The following TLE1 variants were observed in gnomAD, a reference collection of about 807,000 sequenced individuals.
The protein encoded by TLE1 is TLE family member 1, transcriptional corepressor, also known as transducin-like enhancer protein 1.
Under a neutral mutation model 89.8 loss-of-function variants are expected in TLE1, and 21 were observed. The ratio of observed to expected loss-of-function variants is 0.23; its 90% CI spans 0.17 to 0.34. TLE1 has a LOEUF of 0.34. Among genes scored for constraint, TLE1 ranks in the 10% least tolerant of loss-of-function variants. The pLI is 1.00. For synonymous variants in TLE1, 447 were observed against 407.6 expected (o/e 1.10, Z -1.16); for missense variants, 795 against 1,031.2 (o/e 0.77, Z 3.14).
chr9:81,625,087 A>C (rs949097690), intron 8 of TLE1, among the ~76,000 whole-genome samples: 2 of 152,210 alleles, frequency 1.3e-5, no homozygotes, highest in Admixed American at 1.3e-4. Context: ...CAGAACTGGC[A>C]TAACTTTTAT....
chr9:81,647,423 T>C (rs1043388913), intron 6 of TLE1, among the ~76,000 whole-genome samples: 4 of 152,234 alleles, frequency 2.6e-5, no homozygotes, highest in African/African-American at 9.6e-5. Context: ...CCTTTTTCAC[T>C]ACTGTTTCCT....
rs71496083 is a variant in TLE1 at position 81,587,907 on chromosome 9, CGTGTGT to C, written c.1830-85_1830-80del. On this transcript the variant is annotated intron_variant, in intron 16 of 19. Transcript: ENST00000376499. The stretch of plus-strand genomic sequence containing the variant: ...CACTGTTGTGTTGTTAGTTTTGGAC[CGTGTGT>C]GTGTGTGTGTGTGTGTGTGTGTGTG... The C allele has an allele frequency of 1.1e-4, 86 of 753,844 alleles. 1 individual carries two copies. The highest frequency in any genetic ancestry group is 6.1e-4 in the Middle Eastern group (2 of 3,254). The allele number at this position is 753,844 out of a possible 1,614,324, so 46.7% of individuals were successfully genotyped here. A position where few individuals can be genotyped will look rare whatever the true frequency, so the allele number is the denominator to read the frequency against.
chr9:81,613,048 A>G (rs1192818472), intron 12 of TLE1, among the ~76,000 whole-genome samples: 1 of 151,468 alleles, frequency 6.6e-6, no homozygotes, highest in Admixed American at 6.6e-5. Flanking sequence ...GGACAAGAGC[A>G]AGACTTTCGT....
At chr9:81,625,911 T>TAA (rs35467275) in intron 8 of TLE1, among the ~76,000 whole-genome samples, 21 of 87,786 alleles carry the variant, frequency 2.4e-4, no homozygotes, top group South Asian at 9.5e-4. Context: ...CAGAAACTAC[T>TAA]AAAAAAAAAA....
chr9:81,657,439 G>T (rs1384246112), intron 4 of TLE1, among the ~76,000 whole-genome samples: 1 of 152,004 alleles, frequency 6.6e-6, no homozygotes, highest in East Asian at 1.9e-4. Flanking sequence ...TATTTAACTG[G>T]AATTTATTTT....
intron 6 of TLE1, among the ~76,000 whole-genome samples, chr9:81,637,649 T>C (rs1333552432): frequency 6.6e-6 from 1 of 150,594 alleles, no homozygotes; most frequent in African/African-American, 2.5e-5. Flanking sequence ...AGTTTCTTTT[T>C]TTTTTTTTTT....
intron 4 of TLE1, among the ~76,000 whole-genome samples, chr9:81,665,159 C>T (rs1371144130): frequency 6.6e-6 from 1 of 152,202 alleles, no homozygotes; most frequent in Non-Finnish European, 1.5e-5. Context: ...TTACAAAACA[C>T]TGAGGCAAGA....
At chr9:81,675,708 G>GTTTTTTGT (rs1832807904) in intron 4 of TLE1, among the ~76,000 whole-genome samples, 5 of 132,440 alleles carry the variant, frequency 3.8e-5, no homozygotes, top group African/African-American at 1.2e-4. Context: ...GTTTTTTTTT[G>GTTTTTTGT]TTTTTTTTTT....
chr9:81,674,420 G>GC (rs1298267255), intron 4 of TLE1, among the ~76,000 whole-genome samples: 2 of 152,118 alleles, frequency 1.3e-5, no homozygotes, highest in South Asian at 4.1e-4. Flanking sequence ...GCATTGAAGG[G>GC]CCTGGTTCCA....
chr9:81,634,329 AAGG>A (rs540669376), intron 6 of TLE1, 28 bp from the exon 7 acceptor site: 302 of 1,455,536 alleles, frequency 2.1e-4, no homozygotes, highest in South Asian at 4.8e-4. Context: ...GAGAGAGAAA[AAGG>A]AGGAGGAGGA....
chr9:81,662,999 C>T (rs1831009733), intron 4 of TLE1, among the ~76,000 whole-genome samples: 1 of 151,896 alleles, frequency 6.6e-6, no homozygotes, highest in African/African-American at 2.4e-5. Flanking sequence ...AGGTGTGCAC[C>T]ACCACGTGCA....
chr9:81,681,892 C>T (rs1833676085), intron 4 of TLE1, among the ~76,000 whole-genome samples: 1 of 152,086 alleles, frequency 6.6e-6, no homozygotes. Flanking sequence ...ACTGAAGAGG[C>T]AGGCACTAGG....
chr9:81,674,087 A>C (rs1015541801), intron 4 of TLE1, among the ~76,000 whole-genome samples: 13 of 152,170 alleles, frequency 8.5e-5, no homozygotes, highest in African/African-American at 3.1e-4. Flanking sequence ...TCTCTAAATC[A>C]ATTTTCTCCC....
chr9:81,624,259 T>A (rs1421693972), intron 8 of TLE1, among the ~76,000 whole-genome samples: 1 of 152,196 alleles, frequency 6.6e-6, no homozygotes, highest in Non-Finnish European at 1.5e-5. Flanking sequence ...GTGTAATTTT[T>A]AAATGAACAT....
chr9:81,674,381 T>C (rs1461657361), intron 4 of TLE1, among the ~76,000 whole-genome samples: 3 of 152,184 alleles, frequency 2.0e-5, no homozygotes, highest in East Asian at 1.9e-4. Context: ...ACAAAGACTA[T>C]GCTCCTGAGG....
chr9:81,634,934 T>C (rs975364510), intron 6 of TLE1, among the ~76,000 whole-genome samples: 5 of 152,116 alleles, frequency 3.3e-5, no homozygotes, highest in African/African-American at 1.2e-4. Flanking sequence ...TGGGTGGGTG[T>C]CTCATGCACC....
At chr9:81,680,622 G>A (rs1050154757) in intron 4 of TLE1, among the ~76,000 whole-genome samples, 1 of 152,158 alleles carries the variant, frequency 6.6e-6, no homozygotes, top group African/African-American at 2.4e-5. Flanking sequence ...TGACTGAGAG[G>A]TGAGAGATCA....
At chr9:81,611,046 G>A (rs1318604341) in intron 13 of TLE1, among the ~76,000 whole-genome samples, 1 of 152,218 alleles carries the variant, frequency 6.6e-6, no homozygotes, top group Non-Finnish European at 1.5e-5. Flanking sequence ...GAGGGGACAA[G>A]AGAGAAAGGT....
intron 4 of TLE1, among the ~76,000 whole-genome samples, chr9:81,664,156 C>T (rs1012168232): frequency 5.3e-5 from 8 of 151,822 alleles, no homozygotes; most frequent in Admixed American, 6.6e-5. Flanking sequence ...GGCATGGTGG[C>T]TCATGCCTAT....
Sources: gnomAD v4.1 joint callset for allele counts (sites outside exome capture counted in the v4.1 genomes callset) on GRCh38, gnomAD v4.1.1 for gene constraint, MANE v1.5 for transcripts, NCBI Gene and HGNC (gene_info 2026-07-23, HGNC 2026-07-21) for gene names.